The following PITRM1 variants were observed in gnomAD, a reference collection of about 807,000 sequenced individuals.
The protein encoded by PITRM1 is presequence protease, mitochondrial.
In PITRM1, 100 loss-of-function variants were observed where a neutral mutation model predicts 129.9. The ratio of observed to expected loss-of-function variants is 0.77; its 90% CI spans 0.65 to 0.91. The LOEUF (loss-of-function observed/expected upper bound fraction) is 0.91. Ranked by LOEUF, PITRM1 falls within the 40% of genes least tolerant of loss-of-function variation. PITRM1 has a pLI of 0.00. For synonymous variants in PITRM1, 591 were observed against 508.8 expected (o/e 1.16, Z -2.17); for missense variants, 1,471 against 1,318.3 (o/e 1.12, Z -1.79).
At chr10:3,150,171 A>G (rs542967581) in intron 15 of PITRM1, among the ~76,000 whole-genome samples, 1 of 151,816 alleles carries the variant, frequency 6.6e-6, no homozygotes, top group African/African-American at 2.4e-5. Context: ...GGCCCCAAAC[A>G]AGGCTCCTGG....
intron 7 of PITRM1, among the ~76,000 whole-genome samples, chr10:3,160,791 G>A (rs573332468): frequency 2.7e-5 from 4 of 150,150 alleles, no homozygotes; most frequent in South Asian, 2.1e-4. Context: ...ATGGAGTCTC[G>A]CCCCGTCCCC....
At position 3,138,049 on chromosome 10, in the gene PITRM1, TGGGTCCTTGGCAATTTTC is replaced by T; in HGVS notation, c.3078_3095del (p.Lys1027_Pro1032del). On this transcript the variant is annotated inframe_deletion, in exon 27 of 27. Transcript: ENST00000224949. Reference sequence around the variant, plus strand: ...CGGCTGCTCATTGGATGATCCAGGATGGGTCCTTGGCAATTTTCGGGTTCTCGGGTCCGAGGATGGCCA... The same window carrying T: ...CGGCTGCTCATTGGATGATCCAGGATGGGTTCTCGGGTCCGAGGATGGCCA... The T allele has an allele frequency of 6.2e-7, 1 of 1,607,100 alleles. No individual in the cohort carries two copies. Among genetic ancestry groups the T allele is most frequent in the Non-Finnish European group, 8.5e-7 (1 of 1,176,714 alleles).
At chr10:3,145,850 T>C in intron 20 of PITRM1, 134 bp from the exon 21 acceptor site, 1 of 719,212 alleles carries the variant, frequency 1.4e-6, no homozygotes, top group Non-Finnish European at 2.3e-6. Flanking sequence ...CAGCCAAATG[T>C]GGAAATGCCA....
At chr10:3,168,944 ACACACACACACACACACACAC>A in intron 2 of PITRM1, among the ~76,000 whole-genome samples, 1 of 69,740 alleles carries the variant, frequency 1.4e-5, no homozygotes, top group Non-Finnish European at 3.2e-5. Flanking sequence ...ACACACACAC[ACACACACACACACACACACAC>A]AATTAGCCAG....
intron 1 of PITRM1, among the ~76,000 whole-genome samples, chr10:3,171,960 A>T (rs1456734672): frequency 6.6e-6 from 1 of 152,252 alleles, no homozygotes; most frequent in Non-Finnish European, 1.5e-5. Context: ...TAATATGTAC[A>T]GGAAGAAAAA....
intron 9 of PITRM1, among the ~76,000 whole-genome samples, chr10:3,159,277 T>C (rs1335478504): frequency 2.0e-5 from 3 of 152,216 alleles, no homozygotes; most frequent in Admixed American, 1.3e-4. Flanking sequence ...TGGGACAGCC[T>C]GCCAAGCACT....
chr10:3,171,805 TGAG>T (rs1843385454), intron 1 of PITRM1, among the ~76,000 whole-genome samples: 1 of 152,182 alleles, frequency 6.6e-6, no homozygotes, highest in Admixed American at 6.5e-5. Context: ...TGCGAGAGGC[TGAG>T]GAGGGGGATC....
At chr10:3,171,182 A>AAAAAAAAAAAAAAAAAAAAAAAAAAAG (rs1843322967) in intron 1 of PITRM1, among the ~76,000 whole-genome samples, 1 of 147,238 alleles carries the variant, frequency 6.8e-6, no homozygotes, top group African/African-American at 2.5e-5. Context: ...AAAAAAAAAA[A>AAAAAAAAAAAAAAAAAAAAAAAAAAAG]AACCTTACCA....
chr10:3,139,854 A>G (rs984653121), intron 24 of PITRM1, among the ~76,000 whole-genome samples: 1 of 152,262 alleles, frequency 6.6e-6, no homozygotes. Flanking sequence ...GTTGGAATAC[A>G]TGTTCTCTTA....
rs762013999 is a variant in PITRM1 at position 3,165,509 on chromosome 10, TAC to T, written c.435_436del (p.Tyr146SerfsTer41). ...CTTGGGATTTTGTGTGGAAAATGGA[TAC>T]AGAGTATAATCACTAGCTGGGTACA... On this transcript the variant is annotated frameshift_variant, in exon 5 of 27. Coordinates refer to ENST00000224949, the MANE Select transcript of PITRM1 (RefSeq NM_014889.4). LOFTEE classifies it high-confidence loss of function. 3 of 1,599,490 alleles carry T rather than the reference TAC, an allele frequency of 1.9e-6. No homozygotes were observed. Among genetic ancestry groups the T allele is most frequent in the Non-Finnish European group, 2.6e-6 (3 of 1,167,170 alleles).
intron 4 of PITRM1, among the ~76,000 whole-genome samples, chr10:3,166,018 T>C (rs3829919): frequency 0.65 from 99,403 of 152,114 alleles, 32,875 homozygotes; most frequent in Non-Finnish European, 0.71. Flanking sequence ...AGTTCACATA[T>C]GTTTTCTTAA....
At chr10:3,138,792 G>A (rs1305881257) in intron 25 of PITRM1, 112 bp downstream of exon 25, 1 of 978,926 alleles carries the variant, frequency 1.0e-6, no homozygotes, top group Non-Finnish European at 1.7e-6. Context: ...CACAAGCAAG[G>A]ATGGAGGCAC....
At position 3,138,239 on chromosome 10, in the gene PITRM1, C is replaced by T. The variant is rs758352717; in HGVS notation, c.3016G>A (p.Asp1006Asn). 3.1e-6 allele frequency: 5 copies of T among 1,612,192 alleles called. No homozygotes were observed. The highest frequency in any genetic ancestry group is 3.4e-6 in the Non-Finnish European group (4 of 1,178,218). Reference sequence around the variant, plus strand: ...TCTCCCCCGCTCCCCACTCACCTATCGCTCACGGCCAGGAGCTTGTCGTGG... The same window carrying T: ...TCTCCCCCGCTCCCCACTCACCTATTGCTCACGGCCAGGAGCTTGTCGTGG... The part of the protein sequence containing the change: ...VSHDKLLAVS[D>N]RYLGTGKSTH... The change falls in exon 26 of 27, where the codon GAT becomes AAT. Residue 1006 changes from aspartate (D) to asparagine (N), a missense_variant. Coordinates refer to ENST00000224949, the MANE Select transcript of PITRM1 (RefSeq NM_014889.4).
At chr10:3,159,653 G>T (rs966347597) in intron 9 of PITRM1, among the ~76,000 whole-genome samples, 195 bp downstream of exon 9, 8 of 152,170 alleles carry the variant, frequency 5.3e-5, no homozygotes, top group Non-Finnish European at 1.0e-4. Context: ...TATCAAAAAC[G>T]ATTTTCCTCA....
At position 3,159,023 on chromosome 10, in the gene PITRM1, C is replaced by T; in HGVS notation, c.1027G>A (p.Ala343Thr). 6.2e-7 allele frequency: 1 copy of T among 1,612,036 alleles called. No individual in the cohort carries two copies. The highest frequency in any genetic ancestry group is 8.5e-7 in the Non-Finnish European group (1 of 1,179,050). ...LLPDITDTFE[A>T]FTLSLLSSLL... ...GAAGACAGAAGACTTAATGTGAAGG[C>T]TTCAAATGTGTCGGTGATGCTGCAT... Residue 343 changes from alanine to threonine, a missense_variant, in exon 10 of 27, where the codon GCC becomes ACC. Coordinates refer to ENST00000224949, the MANE Select transcript of PITRM1 (RefSeq NM_014889.4).
In PITRM1 at chr10:3,155,649, C is replaced by T; in HGVS notation, c.1563G>A (p.Lys521=). 6.2e-7 allele frequency: 1 copy of T among 1,613,938 alleles called. No homozygotes were observed. The highest frequency in any genetic ancestry group is 2.2e-5 in the East Asian group (1 of 44,854). Residue 521 remains lysine, a synonymous_variant, in exon 14 of 27, where the codon AAG becomes AAA. Coordinates refer to ENST00000224949, the MANE Select transcript of PITRM1 (RefSeq NM_014889.4). ...HEKQAQVEAT[K]LKQKVEALSP... ...ACAGAGCCTCGACCTTCTGCTTGAG[C>T]TTCGTGGCTTCCACCTGTGCCTGCT... is the stretch of plus-strand genomic sequence containing the variant.
chr10:3,165,089 C>A, intron 6 of PITRM1, 149 bp downstream of exon 6: 3 of 680,330 alleles, frequency 4.4e-6, no homozygotes, highest in Non-Finnish European at 7.3e-6. Context: ...GCTACCCCGA[C>A]TTCTGCTCAC....
rs1208385634 is a variant in PITRM1, at chr10:3,140,857, A to G, written c.2646-45T>C. The G allele has an allele frequency of 2.1e-6, 3 of 1,457,782 alleles. No homozygotes were observed. The East Asian group carries it at 7.3e-5, about 36-fold the overall frequency. The allele number at this position is 1,457,782 out of a possible 1,614,324, so 90.3% of individuals were successfully genotyped here. A position where few individuals can be genotyped will look rare whatever the true frequency, so the allele number is the denominator to read the frequency against. On this transcript the variant is annotated intron_variant, in intron 23 of 26. Transcript: ENST00000224949. ...CAAGTTAATACCGTGGCTGATAAAA[A>G]AGCATAGACAATGAAGTAATTGTTG...
chr10:3,147,128 T>G, intron 20 of PITRM1, 22 bp downstream of exon 20: 5 of 1,264,242 alleles, frequency 4.0e-6, no homozygotes, highest in Non-Finnish European at 5.7e-6. Flanking sequence ...ATAAAATATT[T>G]AGAAACAAAT....
Sources: gnomAD v4.1 joint callset for allele counts (sites outside exome capture counted in the v4.1 genomes callset) on GRCh38, gnomAD v4.1.1 for gene constraint, MANE v1.5 for transcripts, NCBI Gene and HGNC (gene_info 2026-07-23, HGNC 2026-07-21) for gene names.